Variants in HAUS7 observed in about 807,000 individuals in gnomAD.
The protein encoded by HAUS7 is HAUS augmin-like complex subunit 7.
In HAUS7, 3 loss-of-function variants were observed where a neutral mutation model predicts 28.4. The ratio of observed to expected loss-of-function variants is 0.11; its 90% confidence interval spans 0.05 to 0.27. The LOEUF (loss-of-function observed/expected upper bound fraction) is 0.27. Among genes scored for constraint, HAUS7 ranks in the 10% least tolerant of loss-of-function variants. The pLI is 1.00. For missense variants in HAUS7, 284 were observed against 297.3 expected (o/e 0.96, Z 0.33); for synonymous variants, 165 against 132.1 (o/e 1.25, Z -1.71).
intron 1 of HAUS7, chrX:153,495,335 A>G (rs1191229629): frequency 1.8e-5 from 2 of 110,939 alleles, no homozygotes; most frequent in African/African-American, 6.6e-5. Flanking sequence ...CCCTCCAGGC[A>G]CCTTTCCCTC....
chrX:153,477,903 A>C (rs1296035013), intron 1 of HAUS7, among the ~76,000 whole-genome samples: 2 of 112,015 alleles, frequency 1.8e-5, no homozygotes, highest in Non-Finnish European at 3.8e-5. Context: ...AGCCCAGTGA[A>C]GACCCAGTTG....
chrX:153,463,285 T>C (rs1049828724), intron 3 of HAUS7, among the ~76,000 whole-genome samples: 3 of 111,697 alleles, frequency 2.7e-5, no homozygotes, highest in African/African-American at 9.8e-5. Context: ...TTGCAAGAAG[T>C]AAGCAGAGAG....
At chrX:153,489,517 G>T (rs2089658845) in intron 1 of HAUS7, among the ~76,000 whole-genome samples, 1 of 112,782 alleles carries the variant, frequency 8.9e-6, no homozygotes, top group African/African-American at 3.2e-5. Context: ...GATGGCAACA[G>T]GATAGGTGTG....
At chrX:153,491,266 C>T (rs2089669411) in intron 1 of HAUS7, among the ~76,000 whole-genome samples, 1 of 112,166 alleles carries the variant, frequency 8.9e-6, no homozygotes, top group African/African-American at 3.2e-5. Context: ...GGACTCACAC[C>T]ACCCGCCAGT....
At chrX:153,485,933 C>T (rs1556988417) in intron 1 of HAUS7, 1 of 967,106 alleles carries the variant, frequency 1.0e-6, no homozygotes, top group East Asian at 7.7e-5. Flanking sequence ...GCACCTGTCC[C>T]ACAACAGGCT....
chrX:153,455,849 A>C (rs930360191), intron 7 of HAUS7, 83 bp from the exon 8 acceptor site: 28 of 562,113 alleles, frequency 5.0e-5, no homozygotes, highest in Non-Finnish European at 7.5e-5. Flanking sequence ...GACACTGCAC[A>C]CCCAGGGCGA....
upstream of HAUS7, among the ~76,000 whole-genome samples, chrX:153,471,799 G>A (rs1293232760): frequency 1.8e-5 from 2 of 112,022 alleles, no homozygotes; most frequent in African/African-American, 3.2e-5. Flanking sequence ...GCAGGAGTCC[G>A]GGGGTCACAG....
chrX:153,482,259 C>T, intron 1 of HAUS7: 3 of 741,822 alleles, frequency 4.0e-6, no homozygotes, highest in Non-Finnish European at 3.2e-6. Context: ...AAAGCCATGC[C>T]CAGGAAGGCC....
At chrX:153,479,447 T>C in intron 1 of HAUS7, 2 of 697,891 alleles carry the variant, frequency 2.9e-6, no homozygotes, top group Non-Finnish European at 3.4e-6. Flanking sequence ...AGGCCCACTT[T>C]GGGTACTCAG....
chrX:153,470,934 C>T (rs1569531312), upstream of HAUS7: 1 of 339,589 alleles, frequency 2.9e-6, no homozygotes, highest in Non-Finnish European at 5.7e-6. Context: ...GCTGGCGTCG[C>T]CCCTGCTGCC....
At chrX:153,455,265 G>C in intron 8 of HAUS7, 1 of 438,916 alleles carries the variant, frequency 2.3e-6, no homozygotes, top group Admixed American at 3.9e-5. Context: ...GCTGGGACAC[G>C]CAGGACCCCA....
At chrX:153,488,511 C>T (rs1001204083) in intron 1 of HAUS7, among the ~76,000 whole-genome samples, 1 of 112,860 alleles carries the variant, frequency 8.9e-6, no homozygotes, top group Admixed American at 9.3e-5. Context: ...CAGACTGTGG[C>T]GGGGGCGGGA....
chrX:153,494,502 T>C (rs2089692396), intron 1 of HAUS7, among the ~76,000 whole-genome samples: 1 of 112,245 alleles, frequency 8.9e-6, no homozygotes, highest in South Asian at 3.7e-4. Flanking sequence ...ACCTCCTTGC[T>C]TAGGCCCAAG....
At chrX:153,473,259 G>A (rs145759633), upstream of HAUS7, among the ~76,000 whole-genome samples, 497 of 112,860 alleles carry the variant, frequency 4.4e-3, 1 homozygote, top group Non-Finnish European at 6.6e-3. Flanking sequence ...CAAAGACACC[G>A]CGAATCAAAG....
intron 2 of HAUS7, among the ~76,000 whole-genome samples, chrX:153,466,675 T>C (rs1489653813): frequency 2.7e-5 from 3 of 112,589 alleles, no homozygotes; most frequent in Non-Finnish European, 5.6e-5. Flanking sequence ...TAAGGAATTC[T>C]CGCCAACCTG....
intron 2 of HAUS7, among the ~76,000 whole-genome samples, chrX:153,468,299 C>A (rs902945534): frequency 5.3e-4 from 59 of 112,287 alleles, no homozygotes; most frequent in African/African-American, 1.7e-3. Context: ...AGGCAGGCCG[C>A]AGGCTGAGGA....
At chrX:153,462,194 C>A in intron 4 of HAUS7, 1 of 1,031,285 alleles carries the variant, frequency 9.7e-7, no homozygotes, top group Non-Finnish European at 1.3e-6. Context: ...AAGGTGGGTG[C>A]TGGAGTTTCT....
chrX:153,450,296 C>G (rs1239041868), intron 9 of HAUS7, among the ~76,000 whole-genome samples: 1 of 112,647 alleles, frequency 8.9e-6, no homozygotes, highest in African/African-American at 3.2e-5. Context: ...TCTGTGTGAG[C>G]CGGGCCACCA....
At chrX:153,481,976 G>C in intron 1 of HAUS7, 1 of 640,685 alleles carries the variant, frequency 1.6e-6, no homozygotes, top group Non-Finnish European at 1.9e-6. Flanking sequence ...TGGGGCTGGG[G>C]CTGGCAGGTC....
Sources: allele counts gnomAD v4.1 joint callset (sites outside exome capture counted in the v4.1 genomes callset), GRCh38; gene constraint gnomAD v4.1.1; transcripts MANE v1.5; gene names NCBI Gene and HGNC (gene_info 2026-07-23, HGNC 2026-07-21).